The following NOL9 variants were observed in gnomAD, a reference collection of about 807,000 sequenced individuals.
NOL9 encodes the protein nucleolar protein 9, also known as polynucleotide 5'-hydroxyl-kinase NOL9.
In NOL9, 28 loss-of-function variants were observed where a neutral mutation model predicts 67.9. The observed-to-expected ratio is 0.41, with a 90% confidence interval of 0.31 to 0.57. NOL9 has a LOEUF of 0.57. NOL9 is among the 20% of genes least tolerant of loss of function. The pLI is 0.25. For missense variants in NOL9, 777 were observed against 897.0 expected (o/e 0.87, Z 1.71); for synonymous variants, 356 against 352.2 (o/e 1.01, Z -0.12).
intron 10 of NOL9, among the ~76,000 whole-genome samples, chr1:6,527,743 C>T (rs1638922646): frequency 6.6e-6 from 1 of 151,974 alleles, no homozygotes; most frequent in South Asian, 2.1e-4. Flanking sequence ...ACCAGGCTGA[C>T]CAACGTGGTG....
Position 6,550,498 on chromosome 1 carries a change from A to T in NOL9, c.514T>A (p.Ser172Thr), listed in dbSNP as rs780433793. Reference sequence around the variant, plus strand: ...TGAAGTGCATGGATACTCAAGCAAGAGTGGGTATACACAGAGAAGATGTCT... The same window carrying T: ...TGAAGTGCATGGATACTCAAGCAAGTGTGGGTATACACAGAGAAGATGTCT... ...AQDIFSVYTH[S>T]CLSIHALHYS... The change falls in exon 2 of 12, where the codon TCT (serine) becomes ACT (threonine). Residue 172 changes from serine (S) to threonine (T), a missense_variant. Ser to Thr is a moderately conservative substitution (Grantham distance 58). Coordinates refer to ENST00000377705, the MANE Select transcript of NOL9 (RefSeq NM_024654.5). 5.0e-6 allele frequency: 8 copies of T among 1,614,126 alleles called. No individual in the cohort carries two copies. The highest frequency in any genetic ancestry group is 5.9e-6 in the Non-Finnish European group (7 of 1,180,010).
intron 3 of NOL9, among the ~76,000 whole-genome samples, chr1:6,548,813 G>T (rs1639476698): frequency 6.6e-6 from 1 of 152,188 alleles, no homozygotes; most frequent in African/African-American, 2.4e-5. Context: ...CAGGCATGGT[G>T]GCTCACACCT....
intron 6 of NOL9, among the ~76,000 whole-genome samples, chr1:6,538,604 G>A (rs1205027478): frequency 1.3e-5 from 2 of 152,030 alleles, no homozygotes; most frequent in Admixed American, 6.6e-5. Flanking sequence ...CCCAGGAAGC[G>A]GAGGTTGCAG....
intron 5 of NOL9, among the ~76,000 whole-genome samples, chr1:6,543,221 AG>A (rs1311559973): frequency 1.0e-3 from 8 of 7,624 alleles, no homozygotes; most frequent in African/African-American, 1.5e-3. Flanking sequence ...TTTGAGACAG[AG>A]TCTTGCTCTG....
intron 11 of NOL9, among the ~76,000 whole-genome samples, chr1:6,526,333 C>G (rs960783546): frequency 1.3e-5 from 2 of 152,162 alleles, no homozygotes; most frequent in African/African-American, 4.8e-5. Flanking sequence ...CACTCGCAGT[C>G]CCTGTGGCTG....
chr1:6,540,985 A>G (rs1639274221), intron 6 of NOL9: 1 of 149,298 alleles, frequency 6.7e-6, no homozygotes, highest in African/African-American at 2.5e-5. Flanking sequence ...TGAATTTTCA[A>G]TAAAATCTGT....
At chr1:6,545,709 C>T (rs1234203960) in intron 3 of NOL9, among the ~76,000 whole-genome samples, 1 of 82,392 alleles carries the variant, frequency 1.2e-5, no homozygotes, top group Admixed American at 1.6e-4. Flanking sequence ...GGAAGGGCCC[C>T]GTCCTCTTGC....
chr1:6,534,134 A>C (rs906614038), intron 6 of NOL9, among the ~76,000 whole-genome samples: 2 of 151,846 alleles, frequency 1.3e-5, no homozygotes, highest in East Asian at 3.9e-4. Flanking sequence ...TGATCCACCC[A>C]CCTCAGCCTC....
chr1:6,554,141 G>A lies in NOL9; in HGVS notation c.362C>T (p.Pro121Leu). 6.5e-7 allele frequency: 1 copy of A among 1,530,548 alleles called. No homozygotes were observed. The highest frequency in any genetic ancestry group is 8.8e-7 in the Non-Finnish European group (1 of 1,138,310). 94.8% of individuals were successfully genotyped at this position (1,530,548 alleles called of 1,614,324 possible). The change falls in exon 1 of 12, where the codon CCC (proline) becomes CTC (leucine). Residue 121 changes from proline (P) to leucine (L), a missense_variant. Physicochemically the swap from Pro to Leu is moderately conservative, Grantham distance 98. This residue lies in a region of NOL9 where 364 missense variants were observed against 344.4 expected (regional missense o/e 1.06). Coordinates refer to ENST00000377705, the MANE Select transcript of NOL9 (RefSeq NM_024654.5). ...CGGCAGCAGCAGCAACGCGCGGCCG[G>A]GGCCCACGGGCCGCACCGGTGGGAT... is the stretch of plus-strand genomic sequence containing the variant. ...LLIPPVRPVG[P>L]GRALLLLPVE...
rs756140532 is a variant in NOL9, at chr1:6,525,886, G to A, written c.2077C>T (p.Arg693Ter). ...PEEAHKEKPY[R>*]RPKFCRKMK ...ATTTTTCGACAGAACTTAGGTCTTC[G>A]GTATGGTTTCTCTTTATGTGCCTCC... The change falls in exon 12 of 12, where the codon CGA (arginine) becomes TGA (stop). Residue 693 changes from arginine to a stop codon, truncating the protein, a stop_gained. Transcript: ENST00000377705. LOFTEE classifies it low-confidence loss of function (END_TRUNC). 12 of 1,613,892 alleles carry A rather than the reference G, an allele frequency of 7.4e-6. No individual in the cohort carries two copies. Among genetic ancestry groups the A allele is most frequent in the Non-Finnish European group, 1.0e-5 (12 of 1,179,988 alleles).
intron 3 of NOL9, 91 bp from the exon 4 acceptor site, chr1:6,545,271 G>A (rs1639394853): frequency 7.6e-7 from 1 of 1,314,434 alleles, no homozygotes; most frequent in Admixed American, 2.2e-5. Context: ...TTGTGAGCCA[G>A]AGAAGATAAA....
chr1:6,549,628 A>C lies in NOL9; in HGVS notation c.687T>G (p.Thr229=), dbSNP rs1639497670. ...CSIVLLEHLK[T]ATVNFITSYP... is the part of the protein sequence containing the mutation. Reference sequence around the variant, plus strand: ...AGCTGGTTATGAAGTTTACAGTGGCAGTTTTCAGATGTTCTAGCAACACAA... The same window carrying C: ...AGCTGGTTATGAAGTTTACAGTGGCCGTTTTCAGATGTTCTAGCAACACAA... Residue 229 remains threonine (T), a synonymous_variant, in exon 3 of 12, where the codon ACT becomes ACG. Transcript: ENST00000377705. The C allele has an allele frequency of 1.2e-6, 2 of 1,614,068 alleles. No individual in the cohort carries two copies. Among genetic ancestry groups the C allele is most frequent in the African/African-American group, 2.7e-5 (2 of 74,932 alleles).
chr1:6,531,215 TC>T (rs1402078065), intron 9 of NOL9, among the ~76,000 whole-genome samples: 8 of 151,862 alleles, frequency 5.3e-5, no homozygotes, highest in African/African-American at 1.7e-4. Flanking sequence ...GTGAAGTACT[TC>T]TTTTTTTTTT....
Position 6,538,394 on chromosome 1 carries a change from C to T in NOL9, c.1075+3436G>A, listed in dbSNP as rs531528451. ...AATTCAAAAACATGCAGGCTGGGAC[C>T]GGATGCCGTGGCTCACGCCTGTAAT... On this transcript the variant is annotated intron_variant, in intron 6 of 11. Coordinates refer to ENST00000377705, the MANE Select transcript of NOL9 (RefSeq NM_024654.5). 7.9e-4 allele frequency among the ~76,000 whole-genome samples: 120 copies of T among 152,178 alleles called. 1 individual carries two copies. The South Asian group carries it at 9.1e-3, about 12-fold the overall frequency.
chr1:6,547,148 T>G (rs1639437144), intron 3 of NOL9, among the ~76,000 whole-genome samples: 1 of 152,222 alleles, frequency 6.6e-6, no homozygotes, highest in South Asian at 2.1e-4. Context: ...CTTGTTTCTA[T>G]CTATTCAACT....
At chr1:6,548,138 C>A (rs868386914) in intron 3 of NOL9, 4 of 101,888 alleles carry the variant, frequency 3.9e-5, no homozygotes, top group South Asian at 3.0e-4. Flanking sequence ...ACTTAAAGTT[C>A]TTTTTTTTTT....
Position 6,525,660 on chromosome 1 carries a change from G to T in NOL9, c.*194C>A. ...AGTATGAGTATCACACAGAAGACTA[G>T]AACAAATTCTAGCTCATGCAGCTTT... is the stretch of plus-strand genomic sequence containing the variant. On this transcript the variant is annotated 3_prime_UTR_variant, in exon 12 of 12. Coordinates refer to ENST00000377705, the MANE Select transcript of NOL9 (RefSeq NM_024654.5). 1 of 624,606 alleles carries T rather than the reference G, an allele frequency of 1.6e-6. No individual in the cohort carries two copies. Among genetic ancestry groups the T allele is most frequent in the East Asian group, 2.7e-5 (1 of 36,438 alleles). 38.7% of individuals were successfully genotyped at this position (624,606 alleles called of 1,614,324 possible).
intron 3 of NOL9, chr1:6,548,079 A>G: frequency 4.3e-6 from 1 of 235,016 alleles, no homozygotes; most frequent in Admixed American, 3.9e-5. Context: ...AAACACCAAA[A>G]TTTGCATTGG....
intron 3 of NOL9, among the ~76,000 whole-genome samples, chr1:6,546,706 C>G (rs558489491): frequency 6.6e-6 from 1 of 152,246 alleles, no homozygotes; most frequent in East Asian, 1.9e-4. Flanking sequence ...ATGGTTACCT[C>G]CCCCTTCCTC....
Sources: gnomAD v4.1 joint callset for allele counts (sites outside exome capture counted in the v4.1 genomes callset) on GRCh38, gnomAD v4.1.1 for gene constraint, gnomAD v4.1.1 regional missense constraint, MANE v1.5 for transcripts, NCBI Gene and HGNC (gene_info 2026-07-23, HGNC 2026-07-21) for gene names.